CPNE2: variants seen among roughly 807,000 people sequenced by gnomAD.
CPNE2 encodes copine-2.
A neutral mutation model predicts 69.7 loss-of-function variants in CPNE2; 42 were observed. The ratio of observed to expected loss-of-function variants is 0.60; its 90% CI spans 0.47 to 0.78. The LOEUF (loss-of-function observed/expected upper bound fraction) is 0.78. Ranked by LOEUF, CPNE2 falls within the 30% of genes least tolerant of loss-of-function variation. CPNE2 has a pLI of 0.00. For synonymous variants in CPNE2, 294 were observed against 289.8 expected (o/e 1.01, Z -0.15); for missense variants, 587 against 732.0 (o/e 0.80, Z 2.29).
chr16:57,121,567 A>C (rs959417009), intron 8 of CPNE2, 107 bp from the exon 9 acceptor site: 5 of 1,100,980 alleles, frequency 4.5e-6, no homozygotes, highest in Admixed American at 1.9e-5. Context: ...TGGAGGAAGC[A>C]TGCTGCCCCC....
At chr16:57,120,052 C>T (rs2069750054) in intron 7 of CPNE2, among the ~76,000 whole-genome samples, 2 of 152,076 alleles carry the variant, frequency 1.3e-5, no homozygotes, top group Non-Finnish European at 2.9e-5. Context: ...GCAGGTGGGT[C>T]ACTGGAGGTC....
At chr16:57,108,953 T>G (rs1412745762) in intron 1 of CPNE2, among the ~76,000 whole-genome samples, 1 of 152,218 alleles carries the variant, frequency 6.6e-6, no homozygotes, top group African/African-American at 2.4e-5. Context: ...ATTTATACAC[T>G]CATCCTTTTT....
chr16:57,119,613 T>G lies in CPNE2; in HGVS notation c.644T>G (p.Val215Gly). Residue 215 changes from valine (V) to glycine (G), a missense_variant, in exon 7 of 16, where the codon GTG becomes GGG. This residue lies in a region of CPNE2 where 269 missense variants were observed against 300.5 expected (regional missense o/e 0.90). Transcript: ENST00000290776. The part of the protein sequence containing the change: ...PVWKPFTVPL[V>G]SLCDGDMEKP... ...TGGAAGCCATTCACAGTGCCCTTGG[T>G]GTCCCTGTGTGATGGGGACATGGAG... 2 of 1,612,956 alleles carry G rather than the reference T, an allele frequency of 1.2e-6. No individual in the cohort carries two copies. The highest frequency in any genetic ancestry group is 1.7e-6 in the Non-Finnish European group (2 of 1,179,568).
chr16:57,137,338 G>T (rs1243867679), intron 14 of CPNE2, 56 bp downstream of exon 14: 88 of 1,596,956 alleles, frequency 5.5e-5, no homozygotes, highest in Non-Finnish European at 7.3e-5. Context: ...CCTCTGGGCT[G>T]GGGGGCAGGA....
rs201403961 is a variant in CPNE2, at chr16:57,121,774, G to A, written c.867+14G>A. 55 of 1,613,564 alleles carry A rather than the reference G, an allele frequency of 3.4e-5. No homozygotes were observed. In the Middle Eastern group the frequency reaches 6.6e-4, roughly 19 times the overall value. ...CGATCCTGCAAGGTGAACCAGCGTG[G>A]GCAAGCACGAGCCAGGGGCCAGGTT... is the stretch of plus-strand genomic sequence containing the variant. On this transcript the variant is annotated intron_variant, in intron 9 of 15. Coordinates refer to ENST00000290776, the MANE Select transcript of CPNE2 (RefSeq NM_152727.6).
At chr16:57,136,990 C>T (rs1490757720) in intron 13 of CPNE2, among the ~76,000 whole-genome samples, 159 bp from the exon 14 acceptor site, 1 of 152,216 alleles carries the variant, frequency 6.6e-6, no homozygotes, top group African/African-American at 2.4e-5. Flanking sequence ...CCATGCTGGC[C>T]CTTCCCTCTG....
chr16:57,096,375 T>C (rs2069578035), intron 1 of CPNE2, among the ~76,000 whole-genome samples: 1 of 152,104 alleles, frequency 6.6e-6, no homozygotes, highest in African/African-American at 2.4e-5. Context: ...TACACTTTTC[T>C]CAGGTTGGGC....
intron 1 of CPNE2, among the ~76,000 whole-genome samples, chr16:57,095,210 C>T (rs1279436415): frequency 2.6e-5 from 4 of 152,176 alleles, no homozygotes; most frequent in African/African-American, 9.7e-5. Flanking sequence ...GCTGGGATGC[C>T]AGGTCACCCT....
intron 9 of CPNE2, among the ~76,000 whole-genome samples, chr16:57,122,138 C>T (rs1365262888): frequency 2.6e-5 from 4 of 152,246 alleles, no homozygotes; most frequent in African/African-American, 9.6e-5. Context: ...CTGGCATCAG[C>T]GTCACTGTGA....
rs1567327391 is a variant in CPNE2, at chr16:57,137,144, G to C, written c.1169-5G>C. On this transcript the variant is annotated splice_region_variant and splice_polypyrimidine_tract_variant and intron_variant, in intron 13 of 15. Coordinates refer to ENST00000290776, the MANE Select transcript of CPNE2 (RefSeq NM_152727.6). ...TGGCTGATCCAGACTCTTCTCCCGAGGCAGGTGTGGATGGTATTGCCCAGG... is the reference window on the plus strand; with the variant it reads ...TGGCTGATCCAGACTCTTCTCCCGACGCAGGTGTGGATGGTATTGCCCAGG... 6.2e-7 allele frequency: 1 copy of C among 1,613,778 alleles called. No individual in the cohort carries two copies. Among genetic ancestry groups the C allele is most frequent in the Non-Finnish European group, 8.5e-7 (1 of 1,179,690 alleles).
chr16:57,139,964 C>T (rs1413711475), intron 14 of CPNE2, among the ~76,000 whole-genome samples: 2 of 152,150 alleles, frequency 1.3e-5, no homozygotes, highest in East Asian at 3.9e-4. Flanking sequence ...CCAAAAAGAC[C>T]TGAGGGACGG....
intron 1 of CPNE2, among the ~76,000 whole-genome samples, chr16:57,110,012 C>T (rs559400033): frequency 1.8e-3 from 277 of 152,252 alleles, no homozygotes; most frequent in African/African-American, 6.3e-3. Context: ...CACAAGATGC[C>T]AACATGCTAG....
chr16:57,133,867 G>A (rs1158467308), intron 12 of CPNE2, among the ~76,000 whole-genome samples: 2 of 152,148 alleles, frequency 1.3e-5, no homozygotes, highest in African/African-American at 4.8e-5. Flanking sequence ...GGAGTAAGGG[G>A]ATTCCTGCAC....
intron 5 of CPNE2, among the ~76,000 whole-genome samples, chr16:57,118,526 A>G (rs2069737001): frequency 6.6e-6 from 1 of 151,900 alleles, no homozygotes; most frequent in Non-Finnish European, 1.5e-5. Flanking sequence ...ACCTCTTTAA[A>G]GTAACAGTTG....
At chr16:57,119,129 C>T (rs1369313853) in intron 5 of CPNE2, 66 bp from the exon 6 acceptor site, 24 of 1,415,762 alleles carry the variant, frequency 1.7e-5, no homozygotes, top group Non-Finnish European at 2.0e-5. Flanking sequence ...AGCAGGGCCA[C>T]ACCCCCATCT....
At position 57,146,059 on chromosome 16, in the gene CPNE2, G is replaced by A. The variant is rs370109416; in HGVS notation, c.1303-26G>A. On this transcript the variant is annotated intron_variant, in intron 14 of 15. Coordinates refer to ENST00000290776, the MANE Select transcript of CPNE2 (RefSeq NM_152727.6). This position sits in a 1 kb window ranked among gnomAD's most constrained non-coding sequence, Gnocchi z 4.4. ...GGTGCCAGAGCCTCGACCTTGCTGAGTGCCCCGTTGGCCCCCTCCCTGCAG... is the reference window on the plus strand; with the variant it reads ...GGTGCCAGAGCCTCGACCTTGCTGAATGCCCCGTTGGCCCCCTCCCTGCAG... 3 of 1,584,088 alleles carry A rather than the reference G, an allele frequency of 1.9e-6. No homozygotes were observed. Among genetic ancestry groups the A allele is most frequent in the Admixed American group, 1.7e-5 (1 of 57,860 alleles).
At chr16:57,121,897 C>T in intron 9 of CPNE2, 137 bp downstream of exon 9, 1 of 727,046 alleles carries the variant, frequency 1.4e-6, no homozygotes, top group Admixed American at 2.7e-5. Flanking sequence ...CTATGGCCTT[C>T]TGAGCTTCAC....
intron 5 of CPNE2, among the ~76,000 whole-genome samples, chr16:57,117,809 C>T (rs2069731010): frequency 6.6e-6 from 1 of 152,182 alleles, no homozygotes; most frequent in Non-Finnish European, 1.5e-5. Context: ...ATCCCCATCT[C>T]ACTTAGTGTA....
intron 6 of CPNE2, 71 bp downstream of exon 6, chr16:57,119,349 A>G: frequency 6.6e-7 from 1 of 1,503,968 alleles, no homozygotes; most frequent in Non-Finnish European, 9.2e-7. Flanking sequence ...GCTCTGAAAA[A>G]GGGAGGTGCG....
Sources: gnomAD v4.1 joint callset for allele counts (sites outside exome capture counted in the v4.1 genomes callset) on GRCh38, gnomAD v4.1.1 for gene constraint, gnomAD v4.1.1 regional missense constraint, Gnocchi (gnomAD v3.1) non-coding constraint, MANE v1.5 for transcripts, NCBI Gene and HGNC (gene_info 2026-07-23, HGNC 2026-07-21) for gene names.